The following TPO variants were observed in gnomAD, a reference collection of about 807,000 sequenced individuals.
The protein encoded by TPO is thyroid microsomal antigen.
TPO carries 78 observed loss-of-function variants against 96.9 expected under a neutral mutation model. The observed-to-expected ratio is 0.81, with a 90% CI of 0.67 to 0.97. TPO has a LOEUF of 0.97. Ranked by LOEUF, TPO falls within the 50% of genes least tolerant of loss-of-function variation. TPO has a pLI of 0.00. For synonymous variants in TPO, 547 were observed against 538.0 expected, an observed-to-expected ratio of 1.02 and a Z score of -0.23; for missense variants, 1,252 against 1,274.8, an observed-to-expected ratio of 0.98 and a Z score of 0.27.
At chr2:1,438,859 C>T (rs1337004554) in intron 5 of TPO, 1 of 716,302 alleles carries the variant, frequency 1.4e-6, no homozygotes. Flanking sequence ...TGCCAACTAA[C>T]CTGTTTAACT....
At chr2:1,401,961 A>G (rs930059041) in intron 1 of TPO, among the ~76,000 whole-genome samples, 3 of 152,196 alleles carry the variant, frequency 2.0e-5, no homozygotes, top group African/African-American at 7.2e-5. Context: ...CGAGCAAGCC[A>G]TGAGACAAAA....
chr2:1,428,431 C>T (rs1177345991), intron 3 of TPO, among the ~76,000 whole-genome samples: 1 of 152,174 alleles, frequency 6.6e-6, no homozygotes, highest in African/African-American at 2.4e-5. Flanking sequence ...AGCTACACGG[C>T]AGTTGCAGGG....
At chr2:1,471,020 C>G (rs1285150132) in intron 7 of TPO, among the ~76,000 whole-genome samples, 1 of 152,224 alleles carries the variant, frequency 6.6e-6, no homozygotes, top group Non-Finnish European at 1.5e-5. Flanking sequence ...AATGTTGCCT[C>G]TCTCTTCATA....
At chr2:1,399,309 G>A (rs1662130852) in intron 1 of TPO, among the ~76,000 whole-genome samples, 1 of 152,206 alleles carries the variant, frequency 6.6e-6, no homozygotes, top group South Asian at 2.1e-4. Context: ...GCAGCCTGAC[G>A]ATGGGCTTCC....
chr2:1,399,485 T>G (rs1662132891), intron 1 of TPO, among the ~76,000 whole-genome samples: 1 of 152,196 alleles, frequency 6.6e-6, no homozygotes, highest in African/African-American at 2.4e-5. Flanking sequence ...TAGTAAGAGA[T>G]CCACCATAAC....
intron 14 of TPO, among the ~76,000 whole-genome samples, chr2:1,508,510 G>A (rs1177096223): frequency 6.6e-6 from 1 of 152,100 alleles, no homozygotes; most frequent in African/African-American, 2.4e-5. Context: ...GAATCCATCT[G>A]GTCCTGGACT....
At chr2:1,512,072 C>G (rs1402183923) in intron 14 of TPO, among the ~76,000 whole-genome samples, 1 of 151,378 alleles carries the variant, frequency 6.6e-6, no homozygotes, top group African/African-American at 2.4e-5. Context: ...CTCGCTCTGT[C>G]GCCTAGACTG....
intron 2 of TPO, among the ~76,000 whole-genome samples, chr2:1,414,897 T>C (rs990860206): frequency 2.6e-5 from 4 of 152,390 alleles, no homozygotes; most frequent in Non-Finnish European, 4.4e-5. Context: ...ATGCAGTGGT[T>C]AAAATAATCA....
At chr2:1,428,135 G>A (rs974432545) in intron 3 of TPO, among the ~76,000 whole-genome samples, 4 of 152,194 alleles carry the variant, frequency 2.6e-5, no homozygotes, top group Non-Finnish European at 5.9e-5. Flanking sequence ...ATATTTTGCT[G>A]CAATTAAGAG....
intron 3 of TPO, among the ~76,000 whole-genome samples, chr2:1,432,023 C>A (rs1367388584): frequency 1.3e-5 from 2 of 152,268 alleles, no homozygotes; most frequent in African/African-American, 4.8e-5. Flanking sequence ...CACTCACACA[C>A]CTGCCGTGGT....
intron 1 of TPO, among the ~76,000 whole-genome samples, chr2:1,391,422 A>T (rs1230245097): frequency 6.6e-6 from 1 of 152,104 alleles, no homozygotes. Flanking sequence ...CTGTAGCCTC[A>T]TAGTATCGTT....
chr2:1,505,265 C>G, intron 14 of TPO, among the ~76,000 whole-genome samples: 1 of 151,392 alleles, frequency 6.6e-6, no homozygotes, highest in Admixed American at 6.6e-5. Context: ...CAGGCGCACC[C>G]CCTCCTGTGT....
intron 1 of TPO, among the ~76,000 whole-genome samples, chr2:1,385,466 A>G (rs896649525): frequency 6.6e-5 from 10 of 151,920 alleles, no homozygotes; most frequent in Admixed American, 2.6e-4. Flanking sequence ...TAATTTATCA[A>G]TTTCTTCTAG....
chr2:1,477,045 A>G, intron 7 of TPO, 41 bp from the exon 8 acceptor site: 1 of 1,586,524 alleles, frequency 6.3e-7, no homozygotes, highest in Non-Finnish European at 8.5e-7. Context: ...CAAAGGGTGC[A>G]CGGGGGCCCT....
intron 8 of TPO, chr2:1,477,913 A>G (rs1296687737): frequency 1.0e-6 from 1 of 985,180 alleles, no homozygotes; most frequent in African/African-American, 1.7e-5. Context: ...TTATCCCACC[A>G]AGACCCAACA....
chr2:1,512,558 T>A, intron 14 of TPO: 1 of 903,050 alleles, frequency 1.1e-6, no homozygotes, highest in Non-Finnish European at 1.3e-6. Flanking sequence ...GGCTCCTGGC[T>A]GCCGAACCTG....
At chr2:1,461,368 C>T (rs1668413551) in intron 7 of TPO, among the ~76,000 whole-genome samples, 1 of 152,220 alleles carries the variant, frequency 6.6e-6, no homozygotes, top group Non-Finnish European at 1.5e-5. Context: ...TTATTTTCTT[C>T]TGATTTTAAA....
intron 1 of TPO, among the ~76,000 whole-genome samples, chr2:1,394,553 T>C (rs1662050426): frequency 6.6e-6 from 1 of 152,172 alleles, no homozygotes; most frequent in Admixed American, 6.5e-5. Flanking sequence ...ACTTGAAGCA[T>C]GCATGTCTCA....
intron 1 of TPO, among the ~76,000 whole-genome samples, chr2:1,377,736 T>C (rs1661742777): frequency 6.6e-6 from 1 of 152,188 alleles, no homozygotes; most frequent in African/African-American, 2.4e-5. Context: ...GGCCAGCGGC[T>C]GGCAGGGTGA....
Sources: allele counts gnomAD v4.1 joint callset (sites outside exome capture counted in the v4.1 genomes callset), GRCh38; gene constraint gnomAD v4.1.1; transcripts MANE v1.5; gene names NCBI Gene and HGNC (gene_info 2026-07-23, HGNC 2026-07-21).